SPON1: variants seen among roughly 807,000 people sequenced by gnomAD.
SPON1 encodes the protein spondin 1.
SPON1 carries 52 observed loss-of-function variants against 111.7 expected under a neutral mutation model. The observed-to-expected ratio is 0.47, with a 90% CI of 0.37 to 0.59. The LOEUF is 0.59. Among genes scored for constraint, SPON1 ranks in the 20% least tolerant of loss-of-function variants. SPON1 has a pLI of 0.00. For synonymous variants in SPON1, 410 were observed against 395.8 expected (o/e 1.04, Z -0.43); for missense variants, 957 against 1,068.5 (o/e 0.90, Z 1.46).
At chr11:14,161,175 CTATA>C (rs1328246367) in intron 6 of SPON1, among the ~76,000 whole-genome samples, 8 of 8,478 alleles carry the variant, frequency 9.4e-4, no homozygotes, top group African/African-American at 3.0e-3. Flanking sequence ...ATCTATATAT[CTATA>C]TATTTATATA....
At chr11:14,039,908 C>T (rs1554917108) in intron 2 of SPON1, among the ~76,000 whole-genome samples, 1 of 152,048 alleles carries the variant, frequency 6.6e-6, no homozygotes, top group Non-Finnish European at 1.5e-5. Context: ...AGACAATTTG[C>T]AGAAAGGCAA....
At chr11:14,157,669 T>C (rs1847864957) in intron 6 of SPON1, among the ~76,000 whole-genome samples, 1 of 152,140 alleles carries the variant, frequency 6.6e-6, no homozygotes, top group South Asian at 2.1e-4. Flanking sequence ...TAATTATATA[T>C]ATGTTCAACT....
chr11:14,021,427 G>A lies in SPON1; in HGVS notation c.346-20094G>A, dbSNP rs1848480796. Among the ~76,000 whole-genome samples, 2 of 152,110 alleles carry A rather than the reference G, an allele frequency of 1.3e-5. 1 individual carries two copies. The highest frequency in any genetic ancestry group is 1.3e-4 in the Admixed American group (2 of 15,270). On this transcript the variant is annotated intron_variant, in intron 2 of 15. Coordinates refer to ENST00000576479, the MANE Select transcript of SPON1 (RefSeq NM_006108.4). ...CTGCAGAAATGAAGCAGAAGTCAGG[G>A]CTGAGGGTTGTATATTGGTCTTCAG...
chr11:14,099,058 T>C (rs1413223973), intron 5 of SPON1, among the ~76,000 whole-genome samples: 1 of 152,218 alleles, frequency 6.6e-6, no homozygotes, highest in Non-Finnish European at 1.5e-5. Flanking sequence ...TCCACACACA[T>C]TGAATACTTT....
chr11:14,003,279 G>A (rs902411552), intron 2 of SPON1, among the ~76,000 whole-genome samples: 3 of 152,308 alleles, frequency 2.0e-5, no homozygotes, highest in Middle Eastern at 6.8e-3. Context: ...GGAGCACTAA[G>A]CACCAGTGAG....
chr11:14,229,003 A>G (rs939346079), intron 6 of SPON1, among the ~76,000 whole-genome samples: 17 of 152,136 alleles, frequency 1.1e-4, no homozygotes, highest in Non-Finnish European at 2.4e-4. Context: ...ACTCCAAGAA[A>G]GAGGAAGGTT....
intron 6 of SPON1, among the ~76,000 whole-genome samples, chr11:14,197,488 A>AAAAT (rs10642040): frequency 0.35 from 50,622 of 144,704 alleles, 9,147 homozygotes; most frequent in East Asian, 0.5. Context: ...GTCCTCTTTA[A>AAAAT]AAATAAATAA....
intron 6 of SPON1, among the ~76,000 whole-genome samples, chr11:14,171,006 C>G (rs1381631273): frequency 3.3e-5 from 5 of 152,212 alleles, no homozygotes; most frequent in African/African-American, 9.6e-5. Context: ...ACGCTGGCCT[C>G]ATAAAATGAG....
chr11:14,126,831 C>T (rs1385814484), intron 5 of SPON1, among the ~76,000 whole-genome samples: 3 of 152,186 alleles, frequency 2.0e-5, no homozygotes, highest in Admixed American at 1.3e-4. Context: ...CTCTCCTCCT[C>T]TATTTACTAG....
At chr11:14,003,371 A>G (rs1283258203) in intron 2 of SPON1, among the ~76,000 whole-genome samples, 1 of 152,150 alleles carries the variant, frequency 6.6e-6, no homozygotes, top group African/African-American at 2.4e-5. Context: ...GAGAAAAGGG[A>G]TGTTCTGCCC....
chr11:14,053,470 A>G lies in SPON1; in HGVS notation c.479+11816A>G, dbSNP rs370649863. On this transcript the variant is annotated intron_variant, in intron 3 of 15. Coordinates refer to ENST00000576479, the MANE Select transcript of SPON1 (RefSeq NM_006108.4). ...TGAGGTTCATCCATGTTGTAGCTTTATCACTACTTTATTCCTTTATATAGC... is the reference window on the plus strand; with the variant it reads ...TGAGGTTCATCCATGTTGTAGCTTTGTCACTACTTTATTCCTTTATATAGC... Among the ~76,000 whole-genome samples the G allele has an allele frequency of 3.9e-5, 6 of 152,192 alleles. No individual in the cohort carries two copies. In the East Asian group the frequency reaches 1.2e-3, roughly 29 times the overall value.
At chr11:14,032,550 A>T (rs918345019) in intron 2 of SPON1, among the ~76,000 whole-genome samples, 1 of 152,160 alleles carries the variant, frequency 6.6e-6, no homozygotes, top group Non-Finnish European at 1.5e-5. Context: ...CTGCTTCGTC[A>T]ATACTATCTC....
At chr11:14,139,791 GT>G (rs1305046862) in intron 6 of SPON1, among the ~76,000 whole-genome samples, 2 of 151,866 alleles carry the variant, frequency 1.3e-5, no homozygotes, top group Non-Finnish European at 2.9e-5. Context: ...GGAGGGGCCT[GT>G]TTTAGATAAA....
intron 5 of SPON1, among the ~76,000 whole-genome samples, chr11:14,122,166 ATTTT>A (rs1165863847): frequency 6.8e-6 from 1 of 148,064 alleles, no homozygotes; most frequent in African/African-American, 2.5e-5. Context: ...CTCTTAAAAT[ATTTT>A]TTTTTATTTA....
At chr11:14,146,601 C>T (rs1554929368) in intron 6 of SPON1, among the ~76,000 whole-genome samples, 1 of 152,032 alleles carries the variant, frequency 6.6e-6, no homozygotes, top group Non-Finnish European at 1.5e-5. Context: ...AAAAATTATA[C>T]AGGCTGACGC....
At chr11:14,214,240 C>T (rs757787730) in intron 6 of SPON1, among the ~76,000 whole-genome samples, 1 of 152,156 alleles carries the variant, frequency 6.6e-6, no homozygotes, top group Non-Finnish European at 1.5e-5. Flanking sequence ...CATCCCTAGC[C>T]GGATCAAATC....
chr11:14,078,232 C>A (rs1848933620), intron 4 of SPON1, among the ~76,000 whole-genome samples: 1 of 152,058 alleles, frequency 6.6e-6, no homozygotes, highest in South Asian at 2.1e-4. Flanking sequence ...GCTTATTTTC[C>A]TTTGAAAATC....
chr11:14,263,030 C>G, intron 15 of SPON1, 55 bp downstream of exon 15: 2 of 1,461,792 alleles, frequency 1.4e-6, no homozygotes, highest in Non-Finnish European at 1.9e-6. Context: ...GGGTTCTGCA[C>G]TGGGCTAAGT....
chr11:14,265,809 C>T lies in SPON1; in HGVS notation c.*122C>T, dbSNP rs1554942443. 1 of 1,172,836 alleles carries T rather than the reference C, an allele frequency of 8.5e-7. No homozygotes were observed. The highest frequency in any genetic ancestry group is 1.5e-5 in the African/African-American group (1 of 64,846). 72.7% of individuals were successfully genotyped at this position (1,172,836 alleles called of 1,614,324 possible). A position where few individuals can be genotyped will look rare whatever the true frequency, so the allele number is the denominator to read the frequency against. On this transcript the variant is annotated 3_prime_UTR_variant, in exon 16 of 16. Coordinates refer to ENST00000576479, the MANE Select transcript of SPON1 (RefSeq NM_006108.4). ...GTTTTCATTTTTGCAGTGTGGTTCG[C>T]CCAGTAGTCTTGTGGATGCCAGAGA... is the stretch of plus-strand genomic sequence containing the variant.
Sources: gnomAD v4.1 joint callset for allele counts (sites outside exome capture counted in the v4.1 genomes callset) on GRCh38, gnomAD v4.1.1 for gene constraint, MANE v1.5 for transcripts, NCBI Gene and HGNC (gene_info 2026-07-23, HGNC 2026-07-21) for gene names.